Variants in CFAP299 observed in about 807,000 individuals in gnomAD.
CFAP299 encodes the protein cilia and flagella associated protein 299.
CFAP299 carries 21 observed loss-of-function variants against 27.0 expected under a neutral mutation model. The observed-to-expected ratio is 0.78, with a 90% CI of 0.55 to 1.12. CFAP299 has a LOEUF of 1.12. Ranked by LOEUF, CFAP299 falls within the 50% of genes most tolerant of loss-of-function variation. CFAP299 has a pLI of 0.00. For missense variants in CFAP299, 310 were observed against 276.6 expected (o/e 1.12, Z -0.86); for synonymous variants, 104 against 98.1 (o/e 1.06, Z -0.36).
At chr4:80,802,277 CT>C (rs1457413593) in intron 3 of CFAP299, among the ~76,000 whole-genome samples, 1 of 151,970 alleles carries the variant, frequency 6.6e-6, no homozygotes, top group Non-Finnish European at 1.5e-5. Flanking sequence ...TTTTAGAATA[CT>C]TAAGTCTTAC....
intron 1 of CFAP299, among the ~76,000 whole-genome samples, chr4:80,338,466 ATT>A (rs896590339): frequency 6.6e-6 from 1 of 151,660 alleles, no homozygotes; most frequent in Non-Finnish European, 1.5e-5. Flanking sequence ...GAGTCACAAG[ATT>A]TTTTTTTGGT....
the CFAP299 span, among the ~76,000 whole-genome samples, chr4:80,327,690 T>TTATATATATA: frequency 0.011 from 562 of 51,088 alleles, 14 homozygotes; most frequent in African/African-American, 0.019. Flanking sequence ...TAGAGAGAAG[T>TTATATATATA]TATATATATA....
chr4:80,321,871 A>G, the CFAP299 span, among the ~76,000 whole-genome samples: 1 of 152,166 alleles, frequency 6.6e-6, no homozygotes, highest in East Asian at 1.9e-4. Context: ...GTTGGGGAAG[A>G]ATGAGGAAAC....
chr4:80,595,602 A>C (rs1737021867), intron 3 of CFAP299, among the ~76,000 whole-genome samples: 1 of 152,192 alleles, frequency 6.6e-6, no homozygotes, highest in Non-Finnish European at 1.5e-5. Context: ...TGGAGTAAAG[A>C]GTAATAAGAT....
intron 5 of CFAP299, among the ~76,000 whole-genome samples, chr4:80,960,374 A>C (rs1052508084): frequency 1.2e-4 from 18 of 151,934 alleles, no homozygotes; most frequent in African/African-American, 4.3e-4. Flanking sequence ...TTAAAACGTC[A>C]ATATGTTTGT....
intron 3 of CFAP299, among the ~76,000 whole-genome samples, chr4:80,627,569 A>T (rs1392287644): frequency 6.6e-6 from 1 of 152,026 alleles, no homozygotes; most frequent in East Asian, 1.9e-4. Context: ...TGCAGAAGGC[A>T]TGACCCTATA....
chr4:80,947,341 T>G lies in CFAP299; in HGVS notation c.606+2402T>G, dbSNP rs550352780. 3.3e-5 allele frequency among the ~76,000 whole-genome samples: 5 copies of G among 152,280 alleles called. No individual in the cohort carries two copies. The South Asian group carries it at 1.0e-3, about 32-fold the overall frequency. The stretch of plus-strand genomic sequence containing the variant: ...ATTTCTTTAAATTTTAATTTTATCT[T>G]GTGGAAAGTAAAAATTAATAGTAGA... On this transcript the variant is annotated intron_variant, in intron 5 of 5. Transcript: ENST00000358105.
chr4:80,428,092 A>T (rs1434095092), intron 2 of CFAP299, among the ~76,000 whole-genome samples: 2 of 152,170 alleles, frequency 1.3e-5, no homozygotes, highest in Non-Finnish European at 2.9e-5. Context: ...GCTCAATAAA[A>T]ACAGAACTCA....
At chr4:80,538,573 A>G (rs968248979) in intron 2 of CFAP299, among the ~76,000 whole-genome samples, 1 of 151,844 alleles carries the variant, frequency 6.6e-6, no homozygotes, top group African/African-American at 2.4e-5. Context: ...TATCTTTTAT[A>G]CTGTGTTTTT....
intron 3 of CFAP299, among the ~76,000 whole-genome samples, chr4:80,659,493 A>C (rs898996641): frequency 7.2e-5 from 11 of 152,098 alleles, no homozygotes; most frequent in African/African-American, 2.7e-4. Context: ...GAAAAATCTT[A>C]ATAGGTACTT....
At chr4:80,618,665 G>A (rs1237881886) in intron 3 of CFAP299, among the ~76,000 whole-genome samples, 1 of 152,034 alleles carries the variant, frequency 6.6e-6, no homozygotes, top group East Asian at 1.9e-4. Flanking sequence ...CTCTCTGAAG[G>A]ATCTTGCAGC....
intron 3 of CFAP299, among the ~76,000 whole-genome samples, chr4:80,833,150 G>C (rs927462554): frequency 6.6e-6 from 1 of 152,028 alleles, no homozygotes; most frequent in Non-Finnish European, 1.5e-5. Context: ...AGTATGTGCT[G>C]AACATAGTAA....
chr4:80,682,620 A>G (rs900645480), intron 3 of CFAP299, among the ~76,000 whole-genome samples: 2 of 151,968 alleles, frequency 1.3e-5, no homozygotes, highest in Non-Finnish European at 2.9e-5. Flanking sequence ...CATCACATAG[A>G]TAAGGGAACA....
At chr4:80,517,735 C>A (rs1349819069) in intron 2 of CFAP299, among the ~76,000 whole-genome samples, 1 of 152,154 alleles carries the variant, frequency 6.6e-6, no homozygotes, top group African/African-American at 2.4e-5. Flanking sequence ...ATACACACTA[C>A]TTATTTCTCT....
rs549245539 is a variant in CFAP299, at chr4:80,742,051, A to G, written c.334-127942A>G. ...TACACTGATTATCTCTCTGCCCTGC[A>G]TGACTACTGTGGGAGAGATGGGGGA... On this transcript the variant is annotated intron_variant, in intron 3 of 5. Coordinates refer to ENST00000358105, the MANE Select transcript of CFAP299 (RefSeq NM_152770.3). Among the ~76,000 whole-genome samples, 10 of 152,274 alleles carry G rather than the reference A, an allele frequency of 6.6e-5. No individual in the cohort carries two copies. The South Asian group carries it at 1.9e-3, about 28-fold the overall frequency.
intron 5 of CFAP299, among the ~76,000 whole-genome samples, chr4:80,955,110 A>G (rs1021353279): frequency 6.6e-6 from 1 of 150,920 alleles, no homozygotes; most frequent in Admixed American, 6.6e-5. Flanking sequence ...ACCTTAATAA[A>G]TCCCACTTGA....
intron 3 of CFAP299, among the ~76,000 whole-genome samples, chr4:80,611,743 A>G (rs1737992870): frequency 6.6e-6 from 1 of 151,960 alleles, no homozygotes; most frequent in African/African-American, 2.4e-5. Flanking sequence ...TCGGCTCTTA[A>G]CTCCCTGTTA....
intron 2 of CFAP299, among the ~76,000 whole-genome samples, chr4:80,372,769 C>T (rs1285118981): frequency 6.6e-6 from 1 of 152,158 alleles, no homozygotes; most frequent in Admixed American, 6.5e-5. Context: ...GGATGCCCAA[C>T]CAGCCCAGAT....
chr4:80,751,498 T>G (rs1160031559), intron 3 of CFAP299, among the ~76,000 whole-genome samples: 2 of 152,016 alleles, frequency 1.3e-5, no homozygotes, highest in African/African-American at 4.8e-5. Flanking sequence ...GGCTCTAATC[T>G]TAGAGCCCCA....
Sources: gnomAD v4.1 joint callset for allele counts (sites outside exome capture counted in the v4.1 genomes callset) on GRCh38, gnomAD v4.1.1 for gene constraint, MANE v1.5 for transcripts, NCBI Gene and HGNC (gene_info 2026-07-23, HGNC 2026-07-21) for gene names.